Variants in PRKG1 observed in about 807,000 individuals in gnomAD.
The protein encoded by PRKG1 is protein kinase cGMP-dependent 1, also known as cGMP-dependent protein kinase 1.
In PRKG1, 35 loss-of-function variants were observed where a neutral mutation model predicts 88.1. The ratio of observed to expected loss-of-function variants is 0.40; its 90% CI spans 0.30 to 0.53. PRKG1 has a LOEUF of 0.53. Ranked by LOEUF, PRKG1 falls within the 20% of genes least tolerant of loss-of-function variation. The pLI, the probability that PRKG1 is intolerant of heterozygous loss-of-function variation, is 0.59. For synonymous variants in PRKG1, 303 were observed against 292.5 expected, an observed-to-expected ratio of 1.04 and a Z score of -0.37; for missense variants, 540 against 839.8, an observed-to-expected ratio of 0.64 and a Z score of 4.41.
intron 5 of PRKG1, among the ~76,000 whole-genome samples, chr10:52,033,708 G>A (rs1845527892): frequency 6.6e-6 from 1 of 152,166 alleles, no homozygotes; most frequent in East Asian, 1.9e-4. Flanking sequence ...AAGTAGTGCA[G>A]GAGTGTTTCT....
chr10:51,614,205 C>A (rs1471455298), intron 3 of PRKG1, among the ~76,000 whole-genome samples: 1 of 151,590 alleles, frequency 6.6e-6, no homozygotes, highest in Non-Finnish European at 1.5e-5. Context: ...ATTGTTATAT[C>A]CTCTTGGAAG....
intron 1 of PRKG1, among the ~76,000 whole-genome samples, chr10:51,147,710 T>C (rs1845975925): frequency 1.3e-5 from 2 of 152,222 alleles, no homozygotes; most frequent in African/African-American, 2.4e-5. Flanking sequence ...AACATTAATT[T>C]TGGCCAGTGA....
At chr10:52,001,052 G>A (rs569597892) in intron 5 of PRKG1, among the ~76,000 whole-genome samples, 1 of 151,760 alleles carries the variant, frequency 6.6e-6, no homozygotes, top group Non-Finnish European at 1.5e-5. Context: ...ATTACGGTGG[G>A]TTCAAAGTTT....
chr10:52,198,025 C>T (rs545962861), intron 9 of PRKG1, among the ~76,000 whole-genome samples: 1 of 152,288 alleles, frequency 6.6e-6, no homozygotes, highest in South Asian at 2.1e-4. Flanking sequence ...TTTCATTACT[C>T]ATGGCAGTTC....
At chr10:52,069,907 A>G (rs561379356) in intron 7 of PRKG1, among the ~76,000 whole-genome samples, 103 of 151,736 alleles carry the variant, frequency 6.8e-4, no homozygotes, top group Non-Finnish European at 1.3e-3. Context: ...CACTTATGTC[A>G]TTCCTTCGTT....
chr10:51,684,368 G>A (rs1840931187), intron 3 of PRKG1, among the ~76,000 whole-genome samples: 1 of 152,022 alleles, frequency 6.6e-6, no homozygotes, highest in Non-Finnish European at 1.5e-5. Context: ...TTTCTTTCTG[G>A]GGTGATGAAT....
At chr10:52,198,765 C>G (rs71490907) in intron 9 of PRKG1, among the ~76,000 whole-genome samples, 1 of 151,696 alleles carries the variant, frequency 6.6e-6, no homozygotes, top group Non-Finnish European at 1.5e-5. Context: ...TTTGTGGTTG[C>G]GTCACTCCAA....
At chr10:51,123,169 G>A (rs1445096117) in intron 1 of PRKG1, among the ~76,000 whole-genome samples, 2 of 152,090 alleles carry the variant, frequency 1.3e-5, no homozygotes, top group Non-Finnish European at 2.9e-5. Flanking sequence ...TACCTGATGG[G>A]CATTGACACT....
At chr10:52,173,636 C>T (rs1234565030) in intron 9 of PRKG1, among the ~76,000 whole-genome samples, 5 of 152,186 alleles carry the variant, frequency 3.3e-5, no homozygotes, top group Non-Finnish European at 7.4e-5. Flanking sequence ...CCATTTTCCT[C>T]TAATGCATAA....
At chr10:51,106,628 A>G (rs1480943956) in intron 1 of PRKG1, among the ~76,000 whole-genome samples, 1 of 152,190 alleles carries the variant, frequency 6.6e-6, no homozygotes, top group Admixed American at 6.5e-5. Flanking sequence ...CCCACCATGG[A>G]GCCAGCCAAA....
intron 2 of PRKG1, among the ~76,000 whole-genome samples, chr10:51,389,839 C>A (rs1164011729): frequency 1.3e-5 from 2 of 152,104 alleles, no homozygotes; most frequent in African/African-American, 4.8e-5. Flanking sequence ...CTGCCAGCAG[C>A]CCAATCGGAC....
intron 2 of PRKG1, among the ~76,000 whole-genome samples, chr10:51,420,462 T>G (rs74132009): frequency 0.066 from 9,994 of 152,210 alleles, 348 homozygotes; most frequent in Admixed American, 0.093. Flanking sequence ...TAATCATGGT[T>G]GCACCACAGA....
chr10:51,115,561 T>TG (rs1445051194), intron 1 of PRKG1, among the ~76,000 whole-genome samples: 1 of 149,982 alleles, frequency 6.7e-6, no homozygotes, highest in East Asian at 2.0e-4. Flanking sequence ...AGAAGAAGGC[T>TG]GGGTGTGGTG....
chr10:51,368,879 CT>C (rs1842642758), intron 2 of PRKG1, among the ~76,000 whole-genome samples: 1 of 152,006 alleles, frequency 6.6e-6, no homozygotes, highest in East Asian at 1.9e-4. Flanking sequence ...AGGAAGTAGT[CT>C]CCAAGAATGA....
chr10:52,148,407 C>T (rs945662842), intron 8 of PRKG1, among the ~76,000 whole-genome samples: 3 of 152,030 alleles, frequency 2.0e-5, no homozygotes, highest in Non-Finnish European at 4.4e-5. Flanking sequence ...GATAACTGTA[C>T]TTACCTTGTA....
intron 3 of PRKG1, among the ~76,000 whole-genome samples, chr10:51,577,982 G>A (rs1837931219): frequency 6.6e-6 from 1 of 152,078 alleles, no homozygotes; most frequent in African/African-American, 2.4e-5. Context: ...AGGCTACACT[G>A]AAATTAACAG....
intron 4 of PRKG1, among the ~76,000 whole-genome samples, chr10:51,879,388 C>G (rs1841380827): frequency 6.6e-6 from 1 of 152,152 alleles, no homozygotes. Flanking sequence ...GGCCTCAAGT[C>G]TCTTACTATC....
chr10:52,081,216 A>G (rs1183575888), intron 7 of PRKG1, among the ~76,000 whole-genome samples: 1 of 152,208 alleles, frequency 6.6e-6, no homozygotes, highest in Non-Finnish European at 1.5e-5. Flanking sequence ...TGGTACAATA[A>G]AAAATACTGG....
intron 4 of PRKG1, among the ~76,000 whole-genome samples, chr10:51,883,063 A>T (rs1841476648): frequency 6.6e-6 from 1 of 152,244 alleles, no homozygotes; most frequent in East Asian, 1.9e-4. Context: ...GGCAGACATC[A>T]TCCAACCTGT....
Sources: gnomAD v4.1 joint callset for allele counts (sites outside exome capture counted in the v4.1 genomes callset) on GRCh38, gnomAD v4.1.1 for gene constraint, MANE v1.5 for transcripts, NCBI Gene and HGNC (gene_info 2026-07-23, HGNC 2026-07-21) for gene names.